The following TAAR5 variants were observed in gnomAD, a reference collection of about 807,000 sequenced individuals.
The protein encoded by TAAR5 is trace amine-associated receptor 5.
A neutral mutation model predicts 21.1 loss-of-function variants in TAAR5; 27 were observed. The ratio of observed to expected loss-of-function variants is 1.28; its 90% CI spans 0.94 to 1.76. The LOEUF is 1.76. Ranked by LOEUF, TAAR5 falls within the 40% of genes most tolerant of loss-of-function variation. TAAR5 has a pLI of 0.00. For missense variants in TAAR5, 495 were observed against 405.6 expected (o/e 1.22, Z -1.89); for synonymous variants, 203 against 167.5 (o/e 1.21, Z -1.64).
At chr6:132,590,076 T>C (rs1357638349), upstream of TAAR5, among the ~76,000 whole-genome samples, 2 of 152,172 alleles carry the variant, frequency 1.3e-5, no homozygotes, top group Non-Finnish European at 2.9e-5. Flanking sequence ...GTCTCTTACG[T>C]TTTGATAAGG....
chr6:132,611,019 C>T, the TAAR5 span, among the ~76,000 whole-genome samples: 127 of 152,212 alleles, frequency 8.3e-4, no homozygotes, highest in African/African-American at 2.7e-3. Context: ...GGACTCAATG[C>T]GGAGATTCTA....
At chr6:132,602,586 C>T in the TAAR5 span, among the ~76,000 whole-genome samples, 1 of 152,088 alleles carries the variant, frequency 6.6e-6, no homozygotes, top group African/African-American at 2.4e-5. Context: ...GCCTGCCCCT[C>T]ATCTCCTGCT....
At chr6:132,591,473 C>T (rs4605911), upstream of TAAR5, among the ~76,000 whole-genome samples, 25,613 of 152,098 alleles carry the variant, frequency 0.17, 3,142 homozygotes, top group East Asian at 0.32. Flanking sequence ...CCCAGTGTTT[C>T]CCAAGGCAAA....
chr6:132,591,883 C>A (rs533480135), upstream of TAAR5, among the ~76,000 whole-genome samples: 1 of 152,334 alleles, frequency 6.6e-6, no homozygotes, highest in African/African-American at 2.4e-5. Context: ...GAATATAATA[C>A]ATGATCTGTG....
upstream of TAAR5, among the ~76,000 whole-genome samples, chr6:132,592,357 A>G (rs1016572953): frequency 3.3e-5 from 5 of 152,226 alleles, no homozygotes; most frequent in African/African-American, 1.2e-4. Flanking sequence ...TGTTCTTAGT[A>G]CAAGCTCAAA....
At chr6:132,591,567 A>C (rs1395031373), upstream of TAAR5, among the ~76,000 whole-genome samples, 1 of 152,190 alleles carries the variant, frequency 6.6e-6, no homozygotes, top group African/African-American at 2.4e-5. Context: ...TCCAGAACTT[A>C]ATCAGACACA....
In TAAR5 at chr6:132,589,526, A is replaced by T. The variant is rs201805599; in HGVS notation, c.161T>A (p.Phe54Tyr). 2.5e-6 allele frequency: 4 copies of T among 1,614,026 alleles called. No individual in the cohort carries two copies. In the East Asian group the frequency reaches 8.9e-5, roughly 36 times the overall value. Residue 54 changes from phenylalanine to tyrosine, a missense_variant, in exon 1 of 1, where the codon TTT (phenylalanine) becomes TAT (tyrosine). Transcript: ENST00000258034. ...GAAGTAGGACACAGCAAATGCCACA[A>T]ATACATTCCCTAGCACGATAATCAG... ...GMLIIVLGNV[F>Y]VAFAVSYFKA...
chr6:132,610,488 C>T, the TAAR5 span, among the ~76,000 whole-genome samples: 5 of 152,092 alleles, frequency 3.3e-5, no homozygotes, highest in African/African-American at 1.2e-4. Context: ...GAAATAACCC[C>T]CAAGAAAGAG....
chr6:132,589,645 C>T lies in TAAR5; in HGVS notation c.42G>A (p.Ala14=), dbSNP rs761349006. 1.9e-5 allele frequency: 31 copies of T among 1,604,280 alleles called. No homozygotes were observed. Among genetic ancestry groups the T allele is most frequent in the Middle Eastern group, 1.7e-4 (1 of 6,034 alleles). The change falls in exon 1 of 1, where the codon GCG becomes GCA. Residue 14 remains alanine (A), a synonymous_variant. Coordinates refer to ENST00000258034, the MANE Select transcript of TAAR5 (RefSeq NM_003967.3). ...ACCCATTCACCTGGTAGCAGAATGCCGCAGGGTGCTCTTCAGCACCTTGGA... is the reference window on the plus strand; with the variant it reads ...ACCCATTCACCTGGTAGCAGAATGCTGCAGGGTGCTCTTCAGCACCTTGGA... The part of the protein sequence containing the change: ...VFIQGAEEHP[A]AFCYQVNGSC...
At chr6:132,612,891 C>T in the TAAR5 span, among the ~76,000 whole-genome samples, 1 of 152,202 alleles carries the variant, frequency 6.6e-6, no homozygotes, top group South Asian at 2.1e-4. Flanking sequence ...ACACAGGGGA[C>T]TCTGCCACAC....
chr6:132,596,261 C>T, the TAAR5 span, among the ~76,000 whole-genome samples: 5 of 152,154 alleles, frequency 3.3e-5, no homozygotes, highest in Non-Finnish European at 7.3e-5. Flanking sequence ...TTTAATCTAT[C>T]ATTTTGTATA....
At chr6:132,597,908 T>C in the TAAR5 span, among the ~76,000 whole-genome samples, 1 of 152,200 alleles carries the variant, frequency 6.6e-6, no homozygotes, top group Non-Finnish European at 1.5e-5. Context: ...TAAACAATTA[T>C]TGGAATTTCA....
chr6:132,597,176 A>G, the TAAR5 span, among the ~76,000 whole-genome samples: 1 of 152,154 alleles, frequency 6.6e-6, no homozygotes, highest in Non-Finnish European at 1.5e-5. Context: ...ATTTATTTGA[A>G]AAACATGGCA....
the TAAR5 span, among the ~76,000 whole-genome samples, chr6:132,596,278 G>A: frequency 6.6e-6 from 1 of 152,138 alleles, no homozygotes; most frequent in East Asian, 1.9e-4. Context: ...TATAATTAAT[G>A]CCATTGCCCT....
At chr6:132,608,968 CA>C in the TAAR5 span, 5 of 455,898 alleles carry the variant, frequency 1.1e-5, no homozygotes, top group Admixed American at 4.7e-5. Flanking sequence ...GTGGAATTTA[CA>C]AAAGCCATCC....
the TAAR5 span, among the ~76,000 whole-genome samples, chr6:132,616,703 T>C: frequency 6.6e-6 from 1 of 152,206 alleles, no homozygotes; most frequent in Non-Finnish European, 1.5e-5. Flanking sequence ...TACTTACCTA[T>C]CATTTTTAGT....
chr6:132,603,651 T>C, the TAAR5 span, among the ~76,000 whole-genome samples: 1 of 152,156 alleles, frequency 6.6e-6, no homozygotes, highest in Admixed American at 6.6e-5. Context: ...ACTTAGAATA[T>C]ATTATTAAAT....
the TAAR5 span, chr6:132,608,491 C>T: frequency 2.2e-6 from 1 of 454,862 alleles, no homozygotes; most frequent in East Asian, 7.0e-5. Flanking sequence ...CAGAAACACC[C>T]CCATTACTAT....
chr6:132,609,135 T>A, the TAAR5 span: 6 of 408,386 alleles, frequency 1.5e-5, no homozygotes, highest in Non-Finnish European at 2.4e-5. Context: ...TAACCAAGTT[T>A]CCGAATAGTG....
Sources: gnomAD v4.1 joint callset for allele counts (sites outside exome capture counted in the v4.1 genomes callset) on GRCh38, gnomAD v4.1.1 for gene constraint, MANE v1.5 for transcripts, NCBI Gene and HGNC (gene_info 2026-07-23, HGNC 2026-07-21) for gene names.